The following AQP7B variants were observed in gnomAD, a reference collection of about 807,000 sequenced individuals.
The protein encoded by AQP7B is aquaporin 7B.
chr2:94,603,619 T>G, the AQP7B span: 3 of 1,320,044 alleles, frequency 2.3e-6, no homozygotes, highest in Admixed American at 7.5e-5. Context: ...TACTGAGACG[T>G]CTCTCTGCTG....
the AQP7B span, among the ~76,000 whole-genome samples, chr2:94,600,777 G>A: frequency 6.6e-6 from 1 of 151,922 alleles, no homozygotes; most frequent in South Asian, 2.1e-4. Flanking sequence ...TACTCGGGAG[G>A]CTAAGGCAGG....
chr2:94,597,471 A>G, the AQP7B span, among the ~76,000 whole-genome samples: 1 of 152,162 alleles, frequency 6.6e-6, no homozygotes, highest in Non-Finnish European at 1.5e-5. Flanking sequence ...AATCCATGCA[A>G]TAGCCCTGTG....
the AQP7B span, among the ~76,000 whole-genome samples, chr2:94,600,905 G>C: frequency 6.6e-6 from 1 of 151,302 alleles, no homozygotes; most frequent in African/African-American, 2.4e-5. Context: ...AATTGGCTGC[G>C]TGCCGAGGCA....
the AQP7B span, among the ~76,000 whole-genome samples, chr2:94,590,109 A>G: frequency 2.0e-5 from 3 of 152,176 alleles, no homozygotes; most frequent in African/African-American, 7.2e-5. Context: ...TCTATTAAAC[A>G]GAGTGACCCA....
chr2:94,601,865 G>T, the AQP7B span, among the ~76,000 whole-genome samples: 10 of 152,088 alleles, frequency 6.6e-5, no homozygotes, highest in Non-Finnish European at 1.0e-4. Flanking sequence ...GGGCCTGAAG[G>T]TAGGCCCCTT....
the AQP7B span, among the ~76,000 whole-genome samples, chr2:94,602,325 G>A: frequency 1.5e-3 from 227 of 152,018 alleles, 1 homozygote; most frequent in African/African-American, 5.2e-3. Context: ...AGGAGAGGAG[G>A]CAGTGAGGAG....
At chr2:94,603,264 A>T in the AQP7B span, 1 of 1,395,864 alleles carries the variant, frequency 7.2e-7, no homozygotes, top group Non-Finnish European at 9.8e-7. Context: ...GATTTGTAAA[A>T]AATAGCTGGG....
At chr2:94,587,344 T>C in the AQP7B span, among the ~76,000 whole-genome samples, 1 of 152,078 alleles carries the variant, frequency 6.6e-6, no homozygotes. Context: ...AGGAAGAAGA[T>C]CAAGATGCGC....
chr2:94,602,434 C>A, the AQP7B span: 15 of 1,537,420 alleles, frequency 9.8e-6, no homozygotes, highest in South Asian at 1.7e-4. Context: ...AGCTCTGAGC[C>A]CTCCTCTGAG....
the AQP7B span, among the ~76,000 whole-genome samples, chr2:94,592,641 C>A: frequency 1.7e-4 from 26 of 152,044 alleles, no homozygotes; most frequent in East Asian, 7.8e-4. Flanking sequence ...GCCAAGAACA[C>A]CAAGGGAATC....
the AQP7B span, among the ~76,000 whole-genome samples, chr2:94,602,292 A>T: frequency 2.9e-3 from 438 of 151,826 alleles, 2 homozygotes; most frequent in African/African-American, 9.6e-3. Context: ...GTGGCTCAGG[A>T]CTGAGAGGCC....
At chr2:94,601,799 G>A in the AQP7B span, among the ~76,000 whole-genome samples, 1 of 152,134 alleles carries the variant, frequency 6.6e-6, no homozygotes, top group Admixed American at 6.5e-5. Context: ...TGCAGAGGGA[G>A]AGGATAGCAC....
the AQP7B span, among the ~76,000 whole-genome samples, chr2:94,602,771 T>G: frequency 6.7e-4 from 102 of 152,290 alleles, 1 homozygote; most frequent in Middle Eastern, 3.4e-3. Flanking sequence ...TGCCTATGAC[T>G]TGTCTGCCCC....
At chr2:94,592,938 A>G in the AQP7B span, among the ~76,000 whole-genome samples, 7 of 143,374 alleles carry the variant, frequency 4.9e-5, no homozygotes, top group African/African-American at 2.6e-5. Flanking sequence ...ATCCTCTCAC[A>G]TCAGCCTCCC....
At chr2:94,587,784 G>A in the AQP7B span, among the ~76,000 whole-genome samples, 4 of 152,128 alleles carry the variant, frequency 2.6e-5, no homozygotes, top group African/African-American at 4.8e-5. Context: ...GGCAGGAGAC[G>A]GGTCAGCTGC....
At chr2:94,598,097 G>A in the AQP7B span, among the ~76,000 whole-genome samples, 3 of 152,222 alleles carry the variant, frequency 2.0e-5, no homozygotes, top group Admixed American at 6.5e-5. Context: ...GTGCAGATTT[G>A]TTGTGAGGAT....
the AQP7B span, among the ~76,000 whole-genome samples, chr2:94,597,718 T>A: frequency 6.6e-6 from 1 of 150,584 alleles, no homozygotes; most frequent in African/African-American, 2.4e-5. Context: ...GATTCTTGCA[T>A]CTCAGCCTCT....
At chr2:94,602,454 T>G in the AQP7B span, 1 of 1,583,374 alleles carries the variant, frequency 6.3e-7, no homozygotes, top group South Asian at 1.1e-5. Context: ...GGTTGGGGCT[T>G]CTGGGCAGGC....
chr2:94,587,911 T>A, the AQP7B span, among the ~76,000 whole-genome samples: 1 of 151,946 alleles, frequency 6.6e-6, no homozygotes, highest in Non-Finnish European at 1.5e-5. Flanking sequence ...TAGAGGGAAC[T>A]GGGCTAGATA....
Sources: gnomAD v4.1 joint callset for allele counts (sites outside exome capture counted in the v4.1 genomes callset) on GRCh38, gnomAD v4.1.1 for gene constraint, MANE v1.5 for transcripts, NCBI Gene and HGNC (gene_info 2026-07-23, HGNC 2026-07-21) for gene names.